Variants in ULK4 observed in about 807,000 individuals in gnomAD.
ULK4 encodes the protein inactive serine/threonine-protein kinase ULK4.
ULK4 carries 133 observed loss-of-function variants against 160.6 expected under a neutral mutation model. The observed-to-expected ratio is 0.83, with a 90% CI of 0.72 to 0.96. ULK4 has a LOEUF of 0.96. Among genes scored for constraint, ULK4 ranks in the 40% least tolerant of loss-of-function variants. The pLI is 0.00. For missense variants in ULK4, 1,580 were observed against 1,499.5 expected (o/e 1.05, Z -0.89); for synonymous variants, 534 against 539.8 (o/e 0.99, Z 0.15).
At chr3:41,378,275 G>C (rs2081557691) in intron 35 of ULK4, among the ~76,000 whole-genome samples, 1 of 150,070 alleles carries the variant, frequency 6.7e-6, no homozygotes, top group Non-Finnish European at 1.5e-5. Context: ...CCTAATGCTA[G>C]ATGACGAGTT....
Position 41,496,566 on chromosome 3 carries a change from C to T in ULK4, c.3227-33313G>A, listed in dbSNP as rs184384444. Among the ~76,000 whole-genome samples the T allele has an allele frequency of 1.3e-3, 199 of 151,968 alleles. 2 individuals are homozygous for T. The highest frequency in any genetic ancestry group is 4.2e-3 in the African/African-American group (173 of 41,468). ...TTGAAGTTGGAGTTTGCTGAGGGAG[C>T]GACAGTTTTCCTGGTAGAGTAATAA... On this transcript the variant is annotated intron_variant, in intron 32 of 36. Coordinates refer to ENST00000301831, the MANE Select transcript of ULK4 (RefSeq NM_017886.4).
chr3:41,821,302 C>T (rs1559579203), intron 18 of ULK4, among the ~76,000 whole-genome samples: 1 of 152,156 alleles, frequency 6.6e-6, no homozygotes, highest in Non-Finnish European at 1.5e-5. Context: ...CCATTACTTA[C>T]TTGGGATCAG....
intron 35 of ULK4, among the ~76,000 whole-genome samples, chr3:41,391,947 CCCTT>C (rs1290329602): frequency 6.6e-6 from 1 of 152,060 alleles, no homozygotes; most frequent in African/African-American, 2.4e-5. Context: ...ATTATAGTCA[CCCTT>C]CCATGGACTA....
intron 27 of ULK4, among the ~76,000 whole-genome samples, chr3:41,692,141 C>T (rs904045241): frequency 2.0e-5 from 3 of 151,186 alleles, no homozygotes; most frequent in South Asian, 2.1e-4. Flanking sequence ...TTAGTAGAGA[C>T]GGAGTTTCAC....
intron 35 of ULK4, chr3:41,259,937 G>T (rs1468799672): frequency 1.3e-5 from 2 of 152,174 alleles, no homozygotes; most frequent in African/African-American, 4.8e-5. Flanking sequence ...CAGCCCAGGT[G>T]CTTCTTGGTG....
intron 32 of ULK4, among the ~76,000 whole-genome samples, chr3:41,533,542 G>A (rs1420876222): frequency 6.6e-6 from 1 of 152,190 alleles, no homozygotes; most frequent in African/African-American, 2.4e-5. Flanking sequence ...AGGTTGGCAA[G>A]CCATGGCCTG....
intron 35 of ULK4, among the ~76,000 whole-genome samples, chr3:41,386,545 G>A (rs758711887): frequency 5.9e-5 from 9 of 152,100 alleles, no homozygotes; most frequent in African/African-American, 9.7e-5. Context: ...TGGAGCCACA[G>A]CCAAACCAGA....
At chr3:41,387,868 T>C (rs1253351358) in intron 35 of ULK4, among the ~76,000 whole-genome samples, 2 of 152,220 alleles carry the variant, frequency 1.3e-5, no homozygotes, top group Non-Finnish European at 2.9e-5. Flanking sequence ...GCATGATTTA[T>C]AATCCTTTGA....
At chr3:41,819,287 T>A in intron 19 of ULK4, 136 bp downstream of exon 19, 2 of 699,202 alleles carry the variant, frequency 2.9e-6, no homozygotes, top group Non-Finnish European at 4.5e-6. Context: ...TCATGGTAGG[T>A]TGTCGGGATT....
chr3:41,422,807 T>C (rs1346012849), intron 34 of ULK4, among the ~76,000 whole-genome samples: 1 of 152,198 alleles, frequency 6.6e-6, no homozygotes, highest in Non-Finnish European at 1.5e-5. Context: ...TAAAAACGTG[T>C]TTATATCTAA....
intron 31 of ULK4, among the ~76,000 whole-genome samples, chr3:41,567,188 A>G (rs1224577779): frequency 6.6e-6 from 1 of 152,200 alleles, no homozygotes; most frequent in Admixed American, 6.5e-5. Flanking sequence ...TTTAACGTAT[A>G]GCTATTTTGT....
At chr3:41,367,653 A>G (rs1005157733) in intron 35 of ULK4, among the ~76,000 whole-genome samples, 4 of 152,130 alleles carry the variant, frequency 2.6e-5, no homozygotes, top group Middle Eastern at 3.2e-3. Flanking sequence ...CACTCTCTCA[A>G]AACAGTTGTC....
intron 34 of ULK4, among the ~76,000 whole-genome samples, chr3:41,409,160 G>A (rs1232202787): frequency 6.6e-6 from 1 of 152,172 alleles, no homozygotes; most frequent in Non-Finnish European, 1.5e-5. Context: ...GGAGGCTGAC[G>A]TGAGAGGATG....
chr3:41,862,781 C>CTCTT (rs2042532174), intron 17 of ULK4, among the ~76,000 whole-genome samples: 2 of 140,600 alleles, frequency 1.4e-5, no homozygotes, highest in African/African-American at 5.9e-5. Context: ...CTCTCTCTCT[C>CTCTT]TCTCCGCTCC....
chr3:41,457,868 C>T (rs1423007731), intron 33 of ULK4, among the ~76,000 whole-genome samples: 2 of 152,180 alleles, frequency 1.3e-5, no homozygotes, highest in African/African-American at 4.8e-5. Flanking sequence ...TAGCGATCCC[C>T]TAGCTGTTAT....
chr3:41,331,586 T>C (rs911621393), intron 35 of ULK4, among the ~76,000 whole-genome samples: 4 of 152,214 alleles, frequency 2.6e-5, no homozygotes, highest in African/African-American at 7.2e-5. Flanking sequence ...TCCTCGGTTT[T>C]TCATTTTATT....
intron 34 of ULK4, among the ~76,000 whole-genome samples, chr3:41,440,497 T>C (rs1181450007): frequency 6.6e-6 from 1 of 152,200 alleles, no homozygotes; most frequent in Non-Finnish European, 1.5e-5. Context: ...CCTGCATTAC[T>C]GGGATAAATC....
At chr3:41,608,187 A>T (rs1412815795) in intron 31 of ULK4, among the ~76,000 whole-genome samples, 1 of 152,082 alleles carries the variant, frequency 6.6e-6, no homozygotes, top group East Asian at 1.9e-4. Context: ...TACAAGCTCT[A>T]TTTTTCCCAT....
chr3:41,530,722 TA>T (rs1227685615), intron 32 of ULK4, among the ~76,000 whole-genome samples: 6 of 152,216 alleles, frequency 3.9e-5, no homozygotes, highest in African/African-American at 1.4e-4. Context: ...ACAACTAGAA[TA>T]ACTGAATACA....
Sources: gnomAD v4.1 joint callset for allele counts (sites outside exome capture counted in the v4.1 genomes callset) on GRCh38, gnomAD v4.1.1 for gene constraint, MANE v1.5 for transcripts, NCBI Gene and HGNC (gene_info 2026-07-23, HGNC 2026-07-21) for gene names.